IKBIP: variants seen among roughly 807,000 people sequenced by gnomAD.
IKBIP encodes the protein IKBKB interacting protein.
A neutral mutation model predicts 31.0 loss-of-function variants in IKBIP; 28 were observed. That is an observed-to-expected ratio of 0.90 (90% CI 0.67 to 1.24). The LOEUF is 1.24. IKBIP is among the 50% of genes most tolerant of loss of function. IKBIP has a pLI of 0.00. For missense variants in IKBIP, 453 were observed against 441.9 expected, an observed-to-expected ratio of 1.03 and a Z score of -0.23; for synonymous variants, 164 against 160.3, an observed-to-expected ratio of 1.02 and a Z score of -0.17.
rs796129542 is a variant in IKBIP, at chr12:98,631,270, T to A, written c.297+3026A>T. On this transcript the variant is annotated intron_variant, in intron 2 of 2. Coordinates refer to ENST00000299157, the MANE Select transcript of IKBIP (RefSeq NM_153687.4). ...TTTTTTGGATTCTATAATGATATTT[T>A]AAAAATCTGCTTCAAAAGCTTTTTT... is the stretch of plus-strand genomic sequence containing the variant. 4.5e-4 allele frequency among the ~76,000 whole-genome samples: 68 copies of A among 150,812 alleles called. 2 individuals carry two copies. The highest frequency in any genetic ancestry group is 1.2e-3 in the African/African-American group (50 of 41,074).
At chr12:98,617,652 G>A (rs2097607014) in intron 2 of IKBIP, among the ~76,000 whole-genome samples, 1 of 152,164 alleles carries the variant, frequency 6.6e-6, no homozygotes, top group Non-Finnish European at 1.5e-5. Context: ...AACAAAGATG[G>A]AAATCAGGTA....
At chr12:98,623,151 T>C (rs1159796860), downstream of IKBIP, among the ~76,000 whole-genome samples, 1 of 150,942 alleles carries the variant, frequency 6.6e-6, no homozygotes, top group Non-Finnish European at 1.5e-5. Context: ...GCTAATTTTG[T>C]ATTTTTAGTA....
chr12:98,641,980 T>C (rs572704589), intron 1 of IKBIP, among the ~76,000 whole-genome samples: 7 of 152,318 alleles, frequency 4.6e-5, no homozygotes, highest in African/African-American at 1.7e-4. Flanking sequence ...GATATAGCAT[T>C]GTGTTATCAT....
chr12:98,624,157 C>T (rs1286696597), downstream of IKBIP: 41 of 415,052 alleles, frequency 9.9e-5, no homozygotes, highest in African/African-American at 2.6e-5. Flanking sequence ...ATGTGGTGAT[C>T]GGTGAGAAAA....
chr12:98,633,718 G>A (rs980891285), intron 2 of IKBIP, among the ~76,000 whole-genome samples: 16 of 151,822 alleles, frequency 1.1e-4, no homozygotes, highest in Admixed American at 5.9e-4. Flanking sequence ...GTTTCACCAT[G>A]TTGGCCAGGC....
chr12:98,623,560 CTTTTTTTTT>C (rs35433597), downstream of IKBIP, among the ~76,000 whole-genome samples: 251 of 64,230 alleles, frequency 3.9e-3, 1 homozygote, highest in Middle Eastern at 0.013. Flanking sequence ...CCTCCTTACA[CTTTTTTTTT>C]TTTTTTTTTT....
Position 98,625,055 on chromosome 12 carries a change from C to T in IKBIP, c.*875G>A, listed in dbSNP as rs1033772905. The T allele has an allele frequency of 3.2e-5, 24 of 760,446 alleles. No homozygotes were observed. The highest frequency in any genetic ancestry group is 3.5e-5 in the Non-Finnish European group (22 of 624,992). The allele number at this position is 760,446 out of a possible 1,614,324, so 47.1% of individuals were successfully genotyped here. A position where few individuals can be genotyped will look rare whatever the true frequency, so the allele number is the denominator to read the frequency against. ...TCCTGACTTCGTGATCTGCCCACCT[C>T]GGCCTCCCAAAGTGCTAGGATTACA... On this transcript the variant is annotated 3_prime_UTR_variant, in exon 3 of 3. Coordinates refer to ENST00000299157, the MANE Select transcript of IKBIP (RefSeq NM_153687.4).
At chr12:98,643,422 A>G (rs1213098416) in intron 1 of IKBIP, among the ~76,000 whole-genome samples, 1 of 152,206 alleles carries the variant, frequency 6.6e-6, no homozygotes, top group Non-Finnish European at 1.5e-5. Context: ...ACATGAATGA[A>G]AAATGGAGAA....
intron 1 of IKBIP, among the ~76,000 whole-genome samples, chr12:98,640,441 TCAAAACAAAA>T (rs71931367): frequency 0.044 from 6,540 of 149,144 alleles, 222 homozygotes; most frequent in East Asian, 0.21. Context: ...ACTCCATCTC[TCAAAACAAAA>T]CAAAACAAAA....
chr12:98,621,780 T>G (rs865936760), downstream of IKBIP, among the ~76,000 whole-genome samples: 4 of 151,998 alleles, frequency 2.6e-5, no homozygotes, highest in Non-Finnish European at 5.9e-5. Context: ...AGAGCTGTTA[T>G]GATGACGATA....
At chr12:98,635,856 AGT>A (rs1433301342) in intron 1 of IKBIP, among the ~76,000 whole-genome samples, 1 of 152,216 alleles carries the variant, frequency 6.6e-6, no homozygotes, top group Non-Finnish European at 1.5e-5. Flanking sequence ...ATCAGTGCAG[AGT>A]GTATAAACTG....
chr12:98,618,947 T>C (rs2097608006), intron 2 of IKBIP, among the ~76,000 whole-genome samples: 1 of 152,142 alleles, frequency 6.6e-6, no homozygotes, highest in African/African-American at 2.4e-5. Context: ...AATGGGACAG[T>C]AGGACAAAAT....
downstream of IKBIP, among the ~76,000 whole-genome samples, chr12:98,621,767 T>C (rs550920149): frequency 2.0e-4 from 31 of 152,152 alleles, no homozygotes; most frequent in South Asian, 3.1e-3. Flanking sequence ...GTAATCAATA[T>C]ATAGAGCTGT....
Position 98,633,805 on chromosome 12 carries a change from C to G in IKBIP, c.297+491G>C, listed in dbSNP as rs372550089. The stretch of plus-strand genomic sequence containing the variant: ...GTGCTGGGATTAAAGGCATGAGCCA[C>G]TACTCCCAGCCTAGGCTAGCCATTC... On this transcript the variant is annotated intron_variant, in intron 2 of 2. Coordinates refer to ENST00000299157, the MANE Select transcript of IKBIP (RefSeq NM_153687.4). Among the ~76,000 whole-genome samples, 15 of 152,258 alleles carry G rather than the reference C, an allele frequency of 9.9e-5. 2 individuals carry two copies. The highest frequency in any genetic ancestry group is 3.9e-4 in the East Asian group (2 of 5,180).
Position 98,624,579 on chromosome 12 carries a change from T to C in IKBIP, c.*1351A>G. The C allele has an allele frequency of 1.1e-6, 1 of 950,986 alleles. No homozygotes were observed. The highest frequency in any genetic ancestry group is 1.3e-6 in the Non-Finnish European group (1 of 798,566). 58.9% of individuals were successfully genotyped at this position (950,986 alleles called of 1,614,324 possible). On this transcript the variant is annotated 3_prime_UTR_variant, in exon 3 of 3. Transcript: ENST00000299157. ...TTTAATTCCATCAAAAACTGCATTA[T>C]AAAACTGGTAAGGTTATTGACAAAG... is the stretch of plus-strand genomic sequence containing the variant.
downstream of IKBIP, among the ~76,000 whole-genome samples, chr12:98,621,885 G>C (rs549022413): frequency 6.6e-6 from 1 of 152,022 alleles, no homozygotes; most frequent in African/African-American, 2.4e-5. Context: ...AGACCATCCT[G>C]GCCAACATGG....
chr12:98,626,910 TGACA>T (rs148210292), intron 2 of IKBIP, 144 bp from the exon 3 acceptor site: 202,559 of 590,314 alleles, frequency 0.34, 37,282 homozygotes, highest in East Asian at 0.53. Flanking sequence ...AGAATCAGAC[TGACA>T]AAGATATTTA....
rs1039738516 is a variant in IKBIP, at chr12:98,624,648, A to C, written c.*1282T>G. The C allele has an allele frequency of 3.4e-6, 3 of 875,858 alleles. No homozygotes were observed. The highest frequency in any genetic ancestry group is 4.1e-6 in the Non-Finnish European group (3 of 730,206). 54.3% of individuals were successfully genotyped at this position (875,858 alleles called of 1,614,324 possible). ...ATATTGCAGTTGACTACATTATATAATTTCAAATAAAATAAAATCAATTCA... is the reference window on the plus strand; with the variant it reads ...ATATTGCAGTTGACTACATTATATACTTTCAAATAAAATAAAATCAATTCA... On this transcript the variant is annotated 3_prime_UTR_variant, in exon 3 of 3. Coordinates refer to ENST00000299157, the MANE Select transcript of IKBIP (RefSeq NM_153687.4).
chr12:98,624,352 T>G lies in IKBIP; in HGVS notation c.*1578A>C, dbSNP rs1007551489. On this transcript the variant is annotated 3_prime_UTR_variant, in exon 3 of 3. Transcript: ENST00000299157. The stretch of plus-strand genomic sequence containing the variant: ...ATTCAGAAGTCAAGAAGTGTAATTT[T>G]AAGACTGCAAAAATTAATGCTATGC... 2.0e-6 allele frequency: 2 copies of G among 985,184 alleles called. No homozygotes were observed. The highest frequency in any genetic ancestry group is 3.5e-5 in the African/African-American group (2 of 57,356). The allele number at this position is 985,184 out of a possible 1,614,324, so 61.0% of individuals were successfully genotyped here. A position where few individuals can be genotyped will look rare whatever the true frequency, so the allele number is the denominator to read the frequency against.
Sources: gnomAD v4.1 joint callset for allele counts (sites outside exome capture counted in the v4.1 genomes callset) on GRCh38, gnomAD v4.1.1 for gene constraint, MANE v1.5 for transcripts, NCBI Gene and HGNC (gene_info 2026-07-23, HGNC 2026-07-21) for gene names.